The following LLGL2 variants were observed in gnomAD, a reference collection of about 807,000 sequenced individuals.
The protein encoded by LLGL2 is LLGL scribble cell polarity complex component 2.
A neutral mutation model predicts 123.2 loss-of-function variants in LLGL2; 81 were observed. The observed-to-expected ratio is 0.66, with a 90% CI of 0.55 to 0.79. The LOEUF is 0.79. LLGL2 is among the 30% of genes least tolerant of loss of function. The pLI is 0.00. For missense variants in LLGL2, 1,273 were observed against 1,414.6 expected (o/e 0.90, Z 1.61); for synonymous variants, 577 against 594.1 (o/e 0.97, Z 0.42).
rs540477851 is a variant in LLGL2, at chr17:75,539,608, CTTTTTTT to C, written c.-30-3777_-30-3771del. ...CAGAAATCATCCCATTTTCTGGTTA[CTTTTTTT>C]TTTTTTTTTTTATACAGAATTTCAC... On this transcript the variant is annotated intron_variant, in intron 1 of 25. Coordinates refer to ENST00000392550, the MANE Select transcript of LLGL2 (RefSeq NM_001031803.2). Among the ~76,000 whole-genome samples, 4 of 134,578 alleles carry C rather than the reference CTTTTTTT, an allele frequency of 3.0e-5. No individual in the cohort carries two copies. In the Admixed American group the frequency reaches 3.0e-4, roughly 10 times the overall value. The allele number at this position is 134,578 out of a possible 152,430, so 88.3% of individuals were successfully genotyped here.
chr17:75,554,972 A>G (rs1296875874), intron 2 of LLGL2, among the ~76,000 whole-genome samples: 1 of 151,052 alleles, frequency 6.6e-6, no homozygotes, highest in East Asian at 2.0e-4. Context: ...TGGACAGATC[A>G]TGAGGTCAGG....
chr17:75,573,406 C>T (rs2055817811), intron 20 of LLGL2, 75 bp from the exon 21 acceptor site: 8 of 1,567,298 alleles, frequency 5.1e-6, no homozygotes, highest in African/African-American at 2.7e-5. Flanking sequence ...GGAGCACTAG[C>T]CCCTACTCCC....
chr17:75,536,818 C>CATTT (rs965191053), intron 1 of LLGL2, among the ~76,000 whole-genome samples: 42 of 152,222 alleles, frequency 2.8e-4, no homozygotes, highest in Non-Finnish European at 3.8e-4. Context: ...GTCTTTTCTC[C>CATTT]ATTTATTTAT....
Position 75,558,234 on chromosome 17 carries a change from C to G in LLGL2, c.253C>G (p.Gln85Glu). Residue 85 changes from glutamine (Q) to glutamate (E), a missense_variant and splice_region_variant, in exon 4 of 26, where the codon CAG (glutamine) becomes GAG (glutamate). Gln to Glu is a conservative substitution (Grantham distance 29). Coordinates refer to ENST00000392550, the MANE Select transcript of LLGL2 (RefSeq NM_001031803.2). The surrounding 1 kb of genome is among the most constrained non-coding windows in gnomAD (Gnocchi z 4.0). The stretch of plus-strand genomic sequence containing the variant: ...GACGCAGATCCACCTCCTGCCCGGC[C>G]AGGTGAGGGACCTGGGGTGGGACAG... ...AVTQIHLLPG[Q>E]CQLVTLLDDN... 6.2e-7 allele frequency: 1 copy of G among 1,611,930 alleles called. No individual in the cohort carries two copies. Among genetic ancestry groups the G allele is most frequent in the Non-Finnish European group, 8.5e-7 (1 of 1,179,202 alleles).
At position 75,540,751 on chromosome 17, in the gene LLGL2, T is replaced by G. The variant is rs187332174; in HGVS notation, c.-30-2646T>G. On this transcript the variant is annotated intron_variant, in intron 1 of 25. Transcript: ENST00000392550. ...TGGTGACCTTGACAGGGTGTTTTGCTGCTGTGGTCTGTTTCCTTGCCTGTC... is the reference window on the plus strand; with the variant it reads ...TGGTGACCTTGACAGGGTGTTTTGCGGCTGTGGTCTGTTTCCTTGCCTGTC... Among the ~76,000 whole-genome samples the G allele has an allele frequency of 1.9e-3, 289 of 152,350 alleles. 3 individuals carry two copies. Among genetic ancestry groups the G allele is most frequent in the African/African-American group, 6.2e-3 (256 of 41,578 alleles).
intron 16 of LLGL2, 69 bp downstream of exon 16, chr17:75,570,567 C>A: frequency 6.7e-7 from 1 of 1,499,518 alleles, no homozygotes; most frequent in South Asian, 1.2e-5. Flanking sequence ...AGCAGGGGGG[C>A]CACACGGCCC....
chr17:75,571,517 G>C (rs1421584615), intron 17 of LLGL2, 150 bp from the exon 18 acceptor site: 1 of 644,790 alleles, frequency 1.6e-6, no homozygotes, highest in South Asian at 1.8e-5. Context: ...GCTGACCTGG[G>C]ATTGGGGTCT....
intron 1 of LLGL2, among the ~76,000 whole-genome samples, chr17:75,526,128 G>A (rs1235714110): frequency 6.6e-6 from 1 of 152,106 alleles, no homozygotes; most frequent in African/African-American, 2.4e-5. Context: ...GGCTGGGTGC[G>A]GGGGGCACCG....
chr17:75,527,076 G>A (rs1457903350), intron 1 of LLGL2, among the ~76,000 whole-genome samples: 1 of 151,626 alleles, frequency 6.6e-6, no homozygotes, highest in Admixed American at 6.6e-5. Flanking sequence ...GCCTGAGGTG[G>A]GAGGATTGCC....
Position 75,571,070 on chromosome 17 carries a change from C to G in LLGL2, c.2146C>G (p.Leu716Val). 2 of 1,612,098 alleles carry G rather than the reference C, an allele frequency of 1.2e-6. No homozygotes were observed. The highest frequency in any genetic ancestry group is 1.7e-6 in the Non-Finnish European group (2 of 1,179,524). Residue 716 changes from leucine to valine, a missense_variant, in exon 17 of 26, where the codon CTG (leucine) becomes GTG (valine). Coordinates refer to ENST00000392550, the MANE Select transcript of LLGL2 (RefSeq NM_001031803.2). The part of the protein sequence containing the change: ...EDSFTGFVRT[L>V]YFADTYLKDS... ...CTCCTTCACAGGCTTCGTCCGGACC[C>G]TGTACTTTGCTGACACCTACCTGAA...
At position 75,574,257 on chromosome 17, in the gene LLGL2, G is replaced by A. The variant is rs2055870710; in HGVS notation, c.2950G>A (p.Glu984Lys). ...LVMERALLSD[E>K]RVLKEIQSTL... ...GATGGAGCGCGCTCTGCTCAGTGAT[G>A]AGAGTGAGTTGGGTGGGAGAGGGTG... The change falls in exon 23 of 26, where the codon GAG (glutamate) becomes AAG (lysine). Residue 984 changes from glutamate (E) to lysine (K), a missense_variant. Glu to Lys is a moderately conservative substitution (Grantham distance 56). Transcript: ENST00000392550. 2 of 1,446,360 alleles carry A rather than the reference G, an allele frequency of 1.4e-6. No homozygotes were observed. Among genetic ancestry groups the A allele is most frequent in the Non-Finnish European group, 1.9e-6 (2 of 1,073,782 alleles). 89.6% of individuals were successfully genotyped at this position (1,446,360 alleles called of 1,614,324 possible). A position where few individuals can be genotyped will look rare whatever the true frequency, so the allele number is the denominator to read the frequency against.
Position 75,564,410 on chromosome 17 carries a change from C to G in LLGL2, c.939C>G (p.His313Gln), listed in dbSNP as rs766885608. The change falls in exon 10 of 26, where the codon CAC becomes CAG. Residue 313 changes from histidine (H) to glutamine (Q), a missense_variant. By Grantham distance (24) the His-to-Gln change is conservative. Coordinates refer to ENST00000392550, the MANE Select transcript of LLGL2 (RefSeq NM_001031803.2). This position sits in a 1 kb window ranked among gnomAD's most constrained non-coding sequence, Gnocchi z 4.9. ...GMPRASYGDRHCISVIHDGQQ... is the reference protein window; with the variant it reads ...GMPRASYGDRQCISVIHDGQQ... ...CACGGGCCAGCTACGGGGACCGCCA[C>G]TGCATCTCAGTGATCCACGATGGCC... 17 of 1,613,346 alleles carry G rather than the reference C, an allele frequency of 1.1e-5. No individual in the cohort carries two copies. The highest frequency in any genetic ancestry group is 1.4e-5 in the Non-Finnish European group (17 of 1,180,000).
chr17:75,564,112 A>G lies in LLGL2; in HGVS notation c.882-241A>G, dbSNP rs146673111. Among the ~76,000 whole-genome samples, 407 of 152,328 alleles carry G rather than the reference A, an allele frequency of 2.7e-3. 1 individual carries two copies. Among genetic ancestry groups the G allele is most frequent in the African/African-American group, 9.1e-3 (379 of 41,558 alleles). ...ACAAAATCACTCTGGGTGATGTTCAAACAGAATTGGTGGGGGCACCCAGCA... is the reference window on the plus strand; with the variant it reads ...ACAAAATCACTCTGGGTGATGTTCAGACAGAATTGGTGGGGGCACCCAGCA... On this transcript the variant is annotated intron_variant, in intron 9 of 25. Transcript: ENST00000392550. The surrounding 1 kb of genome is among the most constrained non-coding windows in gnomAD (Gnocchi z 4.9).
In LLGL2 at chr17:75,558,145, C is replaced by T. The variant is rs769516106; in HGVS notation, c.174-10C>T. 18 of 1,613,502 alleles carry T rather than the reference C, an allele frequency of 1.1e-5. No homozygotes were observed. The South Asian group carries it at 2.0e-4, about 18-fold the overall frequency. ...CCGACCTTCCAGAGCTTTCCTGAGC[C>T]TACTCCTAGCTACGGAGCCCCAGGC... On this transcript the variant is annotated splice_polypyrimidine_tract_variant and intron_variant, in intron 3 of 25. Coordinates refer to ENST00000392550, the MANE Select transcript of LLGL2 (RefSeq NM_001031803.2). This position sits in a 1 kb window ranked among gnomAD's most constrained non-coding sequence, Gnocchi z 4.0.
intron 1 of LLGL2, among the ~76,000 whole-genome samples, chr17:75,532,053 TATACACAC>T (rs2053809110): frequency 2.8e-5 from 2 of 70,296 alleles, no homozygotes; most frequent in African/African-American, 7.9e-5. Context: ...TATATGTATA[TATACACAC>T]ACACACACAC....
chr17:75,572,720 C>T (rs1480529716), intron 19 of LLGL2, among the ~76,000 whole-genome samples: 4 of 148,226 alleles, frequency 2.7e-5, no homozygotes, highest in African/African-American at 7.5e-5. Context: ...CAGCTCTACT[C>T]GGGAGGCTGA....
chr17:75,551,034 C>G lies in LLGL2; in HGVS notation c.76-5012C>G, dbSNP rs1028093848. Among the ~76,000 whole-genome samples the G allele has an allele frequency of 3.3e-5, 5 of 152,288 alleles. No individual in the cohort carries two copies. In the East Asian group the frequency reaches 9.7e-4, roughly 29 times the overall value. On this transcript the variant is annotated intron_variant, in intron 2 of 25. Coordinates refer to ENST00000392550, the MANE Select transcript of LLGL2 (RefSeq NM_001031803.2). ...AACCTAGGGCTCCCCTGCCTCTCTG[C>G]CCAGCCCGAGCCCCTGTCCTCATAG...
rs1273964639 is a variant in LLGL2, at chr17:75,570,357, G to A, written c.1884G>A (p.Leu628=). Residue 628 remains leucine (L), a synonymous_variant, in exon 16 of 26, where the codon CTG becomes CTA. Coordinates refer to ENST00000392550, the MANE Select transcript of LLGL2 (RefSeq NM_001031803.2). ...QRRQVFVKCT[L]HPSDQLALEG... is the part of the protein sequence containing the mutation. The stretch of plus-strand genomic sequence containing the variant: ...CTGCCATCCCCCCAAGGTGCACACT[G>A]CACCCCAGTGACCAGCTGGCCTTGG... 6.2e-7 allele frequency: 1 copy of A among 1,611,932 alleles called. No individual in the cohort carries two copies. The highest frequency in any genetic ancestry group is 1.7e-5 in the Admixed American group (1 of 59,852).
intron 14 of LLGL2, 152 bp downstream of exon 14, chr17:75,569,477 C>T: frequency 1.5e-6 from 1 of 678,184 alleles, no homozygotes; most frequent in Non-Finnish European, 2.5e-6. Flanking sequence ...GCGGGAGGTC[C>T]CTGGGATGGT....
Sources: gnomAD v4.1 joint callset for allele counts (sites outside exome capture counted in the v4.1 genomes callset) on GRCh38, gnomAD v4.1.1 for gene constraint, Gnocchi (gnomAD v3.1) non-coding constraint, MANE v1.5 for transcripts, NCBI Gene and HGNC (gene_info 2026-07-23, HGNC 2026-07-21) for gene names.